Variants in EPS8 observed in about 807,000 individuals in gnomAD.
The protein encoded by EPS8 is epidermal growth factor receptor kinase substrate 8.
EPS8 carries 42 observed loss-of-function variants against 103.8 expected under a neutral mutation model. That is an observed-to-expected ratio of 0.40 (90% CI 0.32 to 0.52). The LOEUF (loss-of-function observed/expected upper bound fraction) is 0.52. Ranked by LOEUF, EPS8 falls within the 20% of genes least tolerant of loss-of-function variation. EPS8 has a pLI of 0.40. For synonymous variants in EPS8, 344 were observed against 344.6 expected (o/e 1.00, Z 0.02); for missense variants, 969 against 1,005.1 (o/e 0.96, Z 0.49).
rs767264289 is a variant in EPS8, at chr12:15,631,525, A to G, written c.1961T>C (p.Ile654Thr). The change falls in exon 18 of 21, where the codon ATA becomes ACA. Residue 654 changes from isoleucine (I) to threonine (T), a missense_variant. By Grantham distance (89) the Ile-to-Thr change is moderately conservative. Coordinates refer to ENST00000281172, the MANE Select transcript of EPS8 (RefSeq NM_004447.6). ...PVPVSKVPAN[I>T]TRQNSSSSDS... Reference sequence around the variant, plus strand: ...ACTGGAGCTGCTGTTTTGACGTGTTATATTTGCTGGGACCTTTGACACAGG... The same window carrying G: ...ACTGGAGCTGCTGTTTTGACGTGTTGTATTTGCTGGGACCTTTGACACAGG... 1.9e-6 allele frequency: 3 copies of G among 1,613,918 alleles called. No homozygotes were observed. Among genetic ancestry groups the G allele is most frequent in the South Asian group, 1.1e-5 (1 of 91,066 alleles).
chr12:15,691,435 A>C (rs1044333934), intron 1 of EPS8, among the ~76,000 whole-genome samples: 15 of 152,138 alleles, frequency 9.9e-5, no homozygotes, highest in African/African-American at 3.4e-4. Context: ...ATATAGTATA[A>C]TGGGGCAGAG....
Position 15,772,629 on chromosome 12 carries a change from T to C in EPS8, c.-22+16532A>G, listed in dbSNP as rs1947166177. 6.6e-6 allele frequency among the ~76,000 whole-genome samples: 1 copy of C among 152,200 alleles called. No individual in the cohort carries two copies. Among genetic ancestry groups the C allele is most frequent in the Non-Finnish European group, 1.5e-5 (1 of 68,032 alleles). The stretch of plus-strand genomic sequence containing the variant: ...GCTAGAACTTACTTGAGAGTTTCAC[T>C]TAGGAAGAATTTTGGATACCTATTC... On this transcript the variant is annotated intron_variant, in intron 1 of 20. Transcript: ENST00000281172. The surrounding 1 kb of genome is among the most constrained non-coding windows in gnomAD (Gnocchi z 5.0).
Position 15,696,643 on chromosome 12 carries a change from T to TA in EPS8, c.-21-13672dup, listed in dbSNP as rs1169226685. On this transcript the variant is annotated intron_variant, in intron 1 of 20. Transcript: ENST00000281172. The surrounding 1 kb of genome is among the most constrained non-coding windows in gnomAD (Gnocchi z 4.8). Reference sequence around the variant, plus strand: ...CGACAGAGCGAGACTCTGTCTCAAATAAAAAAACAAAAACATGGACTTGAT... The same window carrying TA: ...CGACAGAGCGAGACTCTGTCTCAAATAAAAAAAACAAAAACATGGACTTGAT... 1.3e-5 allele frequency among the ~76,000 whole-genome samples: 2 copies of TA among 151,562 alleles called. No individual in the cohort carries two copies. Among genetic ancestry groups the TA allele is most frequent in the African/African-American group, 4.8e-5 (2 of 41,256 alleles).
At chr12:15,669,893 T>C (rs909894532) in intron 4 of EPS8, 68 bp from the exon 5 acceptor site, 2 of 1,242,060 alleles carry the variant, frequency 1.6e-6, no homozygotes, top group Non-Finnish European at 2.2e-6. Context: ...TAGTATACAT[T>C]TTCCAAAAGA....
chr12:15,729,662 T>A (rs1411549214), intron 1 of EPS8, among the ~76,000 whole-genome samples: 2 of 152,224 alleles, frequency 1.3e-5, no homozygotes, highest in Non-Finnish European at 2.9e-5. Flanking sequence ...TTTATCTCCC[T>A]TGAAATTTTC....
chr12:15,631,625 G>A lies in EPS8; in HGVS notation c.1861C>T (p.Pro621Ser), dbSNP rs147630488. Residue 621 changes from proline to serine, a missense_variant, in exon 18 of 21, where the codon CCC becomes TCC. Coordinates refer to ENST00000281172, the MANE Select transcript of EPS8 (RefSeq NM_004447.6). Reference protein sequence around the residue: ...MEYGPRPADTPPAPSPPPTPA... With the variant: ...MEYGPRPADTSPAPSPPPTPA... ...GTTGGAGGAGGTGATGGAGCAGGGG[G>A]AGTATCAGCTGGTCTTGGGCCATAC... 14 of 1,613,756 alleles carry A rather than the reference G, an allele frequency of 8.7e-6. No homozygotes were observed. The highest frequency in any genetic ancestry group is 1.2e-5 in the Non-Finnish European group (14 of 1,179,906).
rs1244083079 is a variant in EPS8, at chr12:15,785,054, G to A, written c.-22+4107C>T. ...TATAAGGATAGCTACATCAAATTAA[G>A]TATTTGTCAAAACCCAAAGAACTTC... On this transcript the variant is annotated intron_variant, in intron 1 of 20. Coordinates refer to ENST00000281172, the MANE Select transcript of EPS8 (RefSeq NM_004447.6). The surrounding 1 kb of genome is among the most constrained non-coding windows in gnomAD (Gnocchi z 4.9). Among the ~76,000 whole-genome samples the A allele has an allele frequency of 1.3e-5, 2 of 152,072 alleles. No homozygotes were observed. The highest frequency in any genetic ancestry group is 2.9e-5 in the Non-Finnish European group (2 of 67,944).
chr12:15,657,631 T>C (rs1323743775), intron 12 of EPS8, among the ~76,000 whole-genome samples: 1 of 152,106 alleles, frequency 6.6e-6, no homozygotes, highest in African/African-American at 2.4e-5. Flanking sequence ...AATAAACAAG[T>C]CAGAGACAGT....
In EPS8 at chr12:15,623,176, T is replaced by C. The variant is rs781453799; in HGVS notation, c.2337A>G (p.Val779=). 2 of 1,608,062 alleles carry C rather than the reference T, an allele frequency of 1.2e-6. No homozygotes were observed. Among genetic ancestry groups the C allele is most frequent in the African/African-American group, 2.7e-5 (2 of 74,436 alleles). ...GTCATACCTCCAATGCAGCTTTTTGTACAGTGATTTGGCTATAGACTCTCG... is the reference window on the plus strand; with the variant it reads ...GTCATACCTCCAATGCAGCTTTTTGCACAGTGATTTGGCTATAGACTCTCG... The part of the protein sequence containing the change: ...EGARVYSQIT[V]QKAALEDSSG... The change falls in exon 20 of 21, where the codon GTA becomes GTG. Residue 779 remains valine, a synonymous_variant. Coordinates refer to ENST00000281172, the MANE Select transcript of EPS8 (RefSeq NM_004447.6).
At position 15,736,850 on chromosome 12, in the gene EPS8, C is replaced by T. The variant is rs766841051; in HGVS notation, c.-22+52311G>A. 2.6e-5 allele frequency among the ~76,000 whole-genome samples: 4 copies of T among 152,024 alleles called. No homozygotes were observed. The highest frequency in any genetic ancestry group is 3.8e-4 in the East Asian group (2 of 5,196). On this transcript the variant is annotated intron_variant, in intron 1 of 20. Transcript: ENST00000281172. The surrounding 1 kb of genome is among the most constrained non-coding windows in gnomAD (Gnocchi z 4.2). ...TATATTACAGCCCCAATAAACAGTA[C>T]GCATGATGATGAATTTACATTATGC...
At chr12:15,719,191 A>G (rs1946566716) in intron 1 of EPS8, among the ~76,000 whole-genome samples, 1 of 151,874 alleles carries the variant, frequency 6.6e-6, no homozygotes, top group Non-Finnish European at 1.5e-5. Flanking sequence ...ATATATGTAT[A>G]TATAAACATA....
At position 15,695,915 on chromosome 12, in the gene EPS8, C is replaced by A. The variant is rs1420042210; in HGVS notation, c.-21-12943G>T. 1.3e-5 allele frequency among the ~76,000 whole-genome samples: 2 copies of A among 151,992 alleles called. No individual in the cohort carries two copies. Among genetic ancestry groups the A allele is most frequent in the Non-Finnish European group, 2.9e-5 (2 of 67,974 alleles). The stretch of plus-strand genomic sequence containing the variant: ...ACTTGAGCCCAGGAGGCGGAGGTTG[C>A]AAAAAGAATAAATATGACAACTTCT... On this transcript the variant is annotated intron_variant, in intron 1 of 20. Transcript: ENST00000281172. This position sits in a 1 kb window ranked among gnomAD's most constrained non-coding sequence, Gnocchi z 5.0.
At chr12:15,719,949 A>G (rs1294071101) in intron 1 of EPS8, among the ~76,000 whole-genome samples, 2 of 152,222 alleles carry the variant, frequency 1.3e-5, no homozygotes, top group African/African-American at 2.4e-5. Flanking sequence ...TTTGAAATCT[A>G]AACCTTAATT....
intron 6 of EPS8, among the ~76,000 whole-genome samples, chr12:15,669,169 C>T (rs1945767938): frequency 6.6e-6 from 1 of 152,214 alleles, no homozygotes; most frequent in Non-Finnish European, 1.5e-5. Flanking sequence ...ACTGGGATTA[C>T]AAGTGTGAAC....
chr12:15,749,615 A>G lies in EPS8; in HGVS notation c.-22+39546T>C, dbSNP rs1220159099. Among the ~76,000 whole-genome samples, 1 of 152,214 alleles carries G rather than the reference A, an allele frequency of 6.6e-6. No homozygotes were observed. The highest frequency in any genetic ancestry group is 1.9e-4 in the East Asian group (1 of 5,204). Reference sequence around the variant, plus strand: ...AGAGAAGGGACTCAATAAATACTTGATGATGACAATAACCATTATGATAGT... The same window carrying G: ...AGAGAAGGGACTCAATAAATACTTGGTGATGACAATAACCATTATGATAGT... On this transcript the variant is annotated intron_variant, in intron 1 of 20. Transcript: ENST00000281172. This position sits in a 1 kb window ranked among gnomAD's most constrained non-coding sequence, Gnocchi z 4.0.
chr12:15,664,337 T>G (rs1332329721), intron 8 of EPS8, among the ~76,000 whole-genome samples: 5 of 152,070 alleles, frequency 3.3e-5, no homozygotes, highest in African/African-American at 4.8e-5. Context: ...CTTTGGTAGC[T>G]CGGCTTACAT....
At chr12:15,662,338 T>G (rs975421058) in intron 8 of EPS8, 1 of 1,244,736 alleles carries the variant, frequency 8.0e-7, no homozygotes, top group African/African-American at 1.5e-5. Context: ...TAATTTACCT[T>G]GTAATATCAC....
chr12:15,647,184 A>G lies in EPS8; in HGVS notation c.1511T>C (p.Leu504Pro). 1 of 1,614,078 alleles carries G rather than the reference A, an allele frequency of 6.2e-7. No individual in the cohort carries two copies. The highest frequency in any genetic ancestry group is 1.1e-5 in the South Asian group (1 of 91,062). The change falls in exon 15 of 21, where the codon CTG becomes CCG. Residue 504 changes from leucine to proline, a missense_variant. Physicochemically the swap from Leu to Pro is moderately conservative, Grantham distance 98. Coordinates refer to ENST00000281172, the MANE Select transcript of EPS8 (RefSeq NM_004447.6). ...AGCAACAGCAGCTTCCCCTTGGTCC[A>G]GGTGGGATCCTCTTGTGTAAATGTT... ...SSNIYTRGSHLDQGEAAVAFK... is the reference protein window; with the variant it reads ...SSNIYTRGSHPDQGEAAVAFK...
intron 3 of EPS8, among the ~76,000 whole-genome samples, chr12:15,676,259 C>CA (rs888576581): frequency 0.049 from 794 of 16,168 alleles, 74 homozygotes; most frequent in Non-Finnish European, 0.066. Context: ...GACTCCATCT[C>CA]AAAAAAAAAA....
Sources: allele counts gnomAD v4.1 joint callset (sites outside exome capture counted in the v4.1 genomes callset), GRCh38; gene constraint gnomAD v4.1.1; non-coding constraint Gnocchi (gnomAD v3.1); transcripts MANE v1.5; gene names NCBI Gene and HGNC (gene_info 2026-07-23, HGNC 2026-07-21).